The following SIRT2 variants were observed in gnomAD, a reference collection of about 807,000 sequenced individuals.
SIRT2 encodes the protein NAD-dependent protein deacetylase sirtuin-2.
A neutral mutation model predicts 57.4 loss-of-function variants in SIRT2; 40 were observed. The observed-to-expected ratio is 0.70, with a 90% CI of 0.54 to 0.91. SIRT2 has a LOEUF of 0.91. Ranked by LOEUF, SIRT2 falls within the 40% of genes least tolerant of loss-of-function variation. The pLI is 0.00. For missense variants in SIRT2, 439 were observed against 510.4 expected, an observed-to-expected ratio of 0.86 and a Z score of 1.35; for synonymous variants, 161 against 195.7, an observed-to-expected ratio of 0.82 and a Z score of 1.48.
At chr19:38,896,116 G>C (rs1973709245) in intron 2 of SIRT2, among the ~76,000 whole-genome samples, 1 of 152,052 alleles carries the variant, frequency 6.6e-6, no homozygotes, top group African/African-American at 2.4e-5. Flanking sequence ...GAGAGAGAGA[G>C]AGAGACAGAG....
In SIRT2 at chr19:38,889,949, GGGAT is replaced by G. The variant is rs1415423121; in HGVS notation, c.277_280del (p.Ile93ProfsTer14). The G allele has an allele frequency of 3.1e-6, 5 of 1,614,066 alleles. No individual in the cohort carries two copies. The highest frequency in any genetic ancestry group is 3.3e-5 in the Admixed American group (2 of 60,010). The stretch of plus-strand genomic sequence containing the variant: ...GCCGGTGGATGGAGAGCGAAAGTCG[GGGAT>G]GCCTGCGGCTAGGAAAGGGGGGTCA... On this transcript the variant is annotated frameshift_variant, in exon 6 of 16. Coordinates refer to ENST00000249396, the MANE Select transcript of SIRT2 (RefSeq NM_012237.4). LOFTEE classifies it high-confidence loss of function.
Position 38,899,572 on chromosome 19 carries a change from A to G in SIRT2, c.-51T>C, listed in dbSNP as rs759808364. The stretch of plus-strand genomic sequence containing the variant: ...CTGTCACCGACCGCTCTGTCCCGTC[A>G]CCAACCACTGTGTCCCGTCACCGAC... On this transcript the variant is annotated 5_prime_UTR_variant, in exon 1 of 16. Transcript: ENST00000249396. 5.6e-6 allele frequency: 9 copies of G among 1,612,942 alleles called. No individual in the cohort carries two copies. Among genetic ancestry groups the G allele is most frequent in the African/African-American group, 2.7e-5 (2 of 74,916 alleles).
In SIRT2 at chr19:38,893,487, C is replaced by T. The variant is rs1973611947; in HGVS notation, c.153G>A (p.Leu51=). ...CCAGCAGACGCTCCTTCTGGCTGCC[C>T]AGGCTGAGCGTCTGGGAGAATAAGT... The part of the protein sequence containing the change: ...LRNLFSQTLS[L]GSQKERLLDE... Residue 51 remains leucine (L), a synonymous_variant, in exon 4 of 16, where the codon CTG becomes CTA. Transcript: ENST00000249396. 5.0e-6 allele frequency: 8 copies of T among 1,613,998 alleles called. No individual in the cohort carries two copies. Among genetic ancestry groups the T allele is most frequent in the Non-Finnish European group, 6.8e-6 (8 of 1,179,976 alleles).
chr19:38,892,021 C>A, intron 4 of SIRT2: 1 of 421,076 alleles, frequency 2.4e-6, no homozygotes, highest in South Asian at 1.7e-5. Flanking sequence ...GCTCAGGAAC[C>A]ACAAAGGGTC....
chr19:38,886,228 C>T (rs1025897254), intron 8 of SIRT2, among the ~76,000 whole-genome samples: 1 of 152,188 alleles, frequency 6.6e-6, no homozygotes, highest in Non-Finnish European at 1.5e-5. Context: ...CCAAAGCCTA[C>T]AGACAAGAGT....
chr19:38,890,461 C>T (rs1181501590), intron 4 of SIRT2: 1 of 365,936 alleles, frequency 2.7e-6, no homozygotes, highest in East Asian at 5.6e-5. Flanking sequence ...GAGGCTGAGG[C>T]AGGCGGGTCA....
At chr19:38,883,276 A>T (rs1231599638) in intron 9 of SIRT2, among the ~76,000 whole-genome samples, 1 of 151,416 alleles carries the variant, frequency 6.6e-6, no homozygotes, top group Non-Finnish European at 1.5e-5. Context: ...TCTAGTAGAA[A>T]CGGGGTTTCA....
Position 38,880,994 on chromosome 19 carries a change from G to A in SIRT2, c.748-97C>T. The A allele has an allele frequency of 6.5e-7, 1 of 1,536,802 alleles. No homozygotes were observed. Among genetic ancestry groups the A allele is most frequent in the Non-Finnish European group, 8.9e-7 (1 of 1,117,404 alleles). On this transcript the variant is annotated intron_variant, in intron 11 of 15. Transcript: ENST00000249396. The surrounding 1 kb of genome is among the most constrained non-coding windows in gnomAD (Gnocchi z 4.1). ...GCAAACCTCCCTGCCGCCCCCCATA[G>A]CTGGGGAGGTGACCTTTCCTGAGGC...
At chr19:38,884,299 T>C (rs150750905) in intron 8 of SIRT2, among the ~76,000 whole-genome samples, 54 of 152,342 alleles carry the variant, frequency 3.5e-4, no homozygotes, top group African/African-American at 1.3e-3. Flanking sequence ...GAAATTAACA[T>C]ACATTTACAA....
chr19:38,878,989 T>G lies in SIRT2; in HGVS notation c.*166A>C, dbSNP rs947480747. The G allele has an allele frequency of 3.1e-6, 2 of 642,576 alleles. No homozygotes were observed. Among genetic ancestry groups the G allele is most frequent in the Admixed American group, 3.5e-5 (1 of 28,194 alleles). The allele number at this position is 642,576 out of a possible 1,614,324, so 39.8% of individuals were successfully genotyped here. On this transcript the variant is annotated 3_prime_UTR_variant, in exon 16 of 16. Transcript: ENST00000249396. ...AGGAGGTGTTAGAGATTTGCTGGGGTTGGGGGCCAGGGTTGCTGGGACCCC... is the reference window on the plus strand; with the variant it reads ...AGGAGGTGTTAGAGATTTGCTGGGGGTGGGGGCCAGGGTTGCTGGGACCCC...
At chr19:38,887,605 G>A (rs1175152568) in intron 8 of SIRT2, among the ~76,000 whole-genome samples, 1 of 152,172 alleles carries the variant, frequency 6.6e-6, no homozygotes, top group Non-Finnish European at 1.5e-5. Flanking sequence ...GCCCCAGGTG[G>A]GAACACCTCG....
intron 2 of SIRT2, among the ~76,000 whole-genome samples, chr19:38,896,069 T>C (rs756328383): frequency 2.0e-5 from 3 of 151,094 alleles, no homozygotes; most frequent in Non-Finnish European, 4.4e-5. Context: ...AGACTCCGTC[T>C]CAAAAAAAAA....
intron 2 of SIRT2, among the ~76,000 whole-genome samples, chr19:38,895,873 C>T (rs1285941683): frequency 2.0e-5 from 3 of 152,152 alleles, no homozygotes; most frequent in Non-Finnish European, 4.4e-5. Context: ...GAGATCGAGA[C>T]CATCCTGGCC....
At chr19:38,888,178 T>G (rs1973403912) in intron 8 of SIRT2, among the ~76,000 whole-genome samples, 2 of 152,134 alleles carry the variant, frequency 1.3e-5, no homozygotes, top group Non-Finnish European at 2.9e-5. Flanking sequence ...TTGTTGTTGT[T>G]TTGATTTGTT....
chr19:38,880,608 T>C lies in SIRT2; in HGVS notation c.876+77A>G. 1.0e-6 allele frequency: 1 copy of C among 969,872 alleles called. No individual in the cohort carries two copies. 60.1% of individuals were successfully genotyped at this position (969,872 alleles called of 1,614,324 possible). A position where few individuals can be genotyped will look rare whatever the true frequency, so the allele number is the denominator to read the frequency against. ...AATGCAAAGTGCTGGGGTTCCACAG[T>C]GGGGGTTCCCTCTGAGGAAAAGGGT... On this transcript the variant is annotated intron_variant, in intron 13 of 15. Coordinates refer to ENST00000249396, the MANE Select transcript of SIRT2 (RefSeq NM_012237.4). This position sits in a 1 kb window ranked among gnomAD's most constrained non-coding sequence, Gnocchi z 4.1.
In SIRT2 at chr19:38,889,580, A is replaced by G. The variant is rs1254159687; in HGVS notation, c.432+109T>C. The G allele has an allele frequency of 4.8e-6, 6 of 1,256,206 alleles. No individual in the cohort carries two copies. In the East Asian group the frequency reaches 9.8e-5, roughly 21 times the overall value. 77.8% of individuals were successfully genotyped at this position (1,256,206 alleles called of 1,614,324 possible). On this transcript the variant is annotated intron_variant, in intron 7 of 15. Coordinates refer to ENST00000249396, the MANE Select transcript of SIRT2 (RefSeq NM_012237.4). ...CCGAGGCAGTCTGGGCCCAGCACCC[A>G]TGTACTTAATGGCTACATAATATTT...
At chr19:38,898,489 C>T in intron 1 of SIRT2, 64 bp from the exon 2 acceptor site, 1 of 1,002,182 alleles carries the variant, frequency 1.0e-6, no homozygotes, top group Non-Finnish European at 1.4e-6. Context: ...TAAAGGGGTT[C>T]AAATGGTCAG....
chr19:38,880,810 C>T lies in SIRT2; in HGVS notation c.824+11G>A, dbSNP rs1430255641. On this transcript the variant is annotated intron_variant, in intron 12 of 15. Transcript: ENST00000249396. This position sits in a 1 kb window ranked among gnomAD's most constrained non-coding sequence, Gnocchi z 4.1. Reference sequence around the variant, plus strand: ...GCCCAGCCGTCCTCCCAGCCACAGCCCCCAACCTACTTGCTGATGAGGGAG... The same window carrying T: ...GCCCAGCCGTCCTCCCAGCCACAGCTCCCAACCTACTTGCTGATGAGGGAG... 1.2e-6 allele frequency: 2 copies of T among 1,613,748 alleles called. No individual in the cohort carries two copies. Among genetic ancestry groups the T allele is most frequent in the Non-Finnish European group, 1.7e-6 (2 of 1,179,852 alleles).
intron 9 of SIRT2, among the ~76,000 whole-genome samples, 195 bp downstream of exon 9, chr19:38,883,432 G>A (rs757707803): frequency 2.6e-5 from 4 of 152,178 alleles, no homozygotes; most frequent in Non-Finnish European, 2.9e-5. Context: ...AAATCAGGCA[G>A]TTGGGCTGCA....
Sources: allele counts gnomAD v4.1 joint callset (sites outside exome capture counted in the v4.1 genomes callset), GRCh38; gene constraint gnomAD v4.1.1; non-coding constraint Gnocchi (gnomAD v3.1); transcripts MANE v1.5; gene names NCBI Gene and HGNC (gene_info 2026-07-23, HGNC 2026-07-21).